Variants in CCDC15 observed in about 807,000 individuals in gnomAD.
CCDC15 encodes the protein coiled-coil domain-containing protein 15.
CCDC15 carries 105 observed loss-of-function variants against 114.5 expected under a neutral mutation model. The observed-to-expected ratio is 0.92, with a 90% CI of 0.78 to 1.08. CCDC15 has a LOEUF of 1.08. Among genes scored for constraint, CCDC15 ranks in the 50% least tolerant of loss-of-function variants. CCDC15 has a pLI of 0.00. For synonymous variants in CCDC15, 334 were observed against 377.8 expected (o/e 0.88, Z 1.34); for missense variants, 1,105 against 1,093.6 (o/e 1.01, Z -0.15).
intron 13 of CCDC15, among the ~76,000 whole-genome samples, chr11:125,033,544 AT>A (rs751774905): frequency 2.6e-5 from 4 of 152,156 alleles, no homozygotes; most frequent in Non-Finnish European, 4.4e-5. Flanking sequence ...TCACAAATCT[AT>A]TTTGGAAAGC....
chr11:125,016,347 C>T, intron 13 of CCDC15, among the ~76,000 whole-genome samples: 1 of 151,916 alleles, frequency 6.6e-6, no homozygotes, highest in East Asian at 1.9e-4. Context: ...TAAAAGCAAC[C>T]TGACAAAAAC....
At chr11:124,964,678 T>C (rs1947738086) in intron 4 of CCDC15, among the ~76,000 whole-genome samples, 1 of 152,176 alleles carries the variant, frequency 6.6e-6, no homozygotes, top group South Asian at 2.1e-4. Context: ...TAACACTGTG[T>C]TGAGTAGGAG....
intron 13 of CCDC15, among the ~76,000 whole-genome samples, chr11:125,035,403 C>G (rs1948768756): frequency 6.6e-6 from 1 of 151,752 alleles, no homozygotes; most frequent in Non-Finnish European, 1.5e-5. Context: ...TACTCCTGCT[C>G]TTTTTTGGTT....
rs79543067 is a variant in CCDC15 at position 125,004,362 on chromosome 11, G to T, written c.2307+403G>T. Among the ~76,000 whole-genome samples the T allele has an allele frequency of 3.3e-3, 496 of 151,618 alleles. 6 individuals carry two copies. The East Asian group carries it at 0.045, about 14-fold the overall frequency. ...TTTTTTCAAAATACAAATATGCCTA[G>T]ATCTAAACCAGATATACCAAATCAG... On this transcript the variant is annotated intron_variant, in intron 12 of 15. Coordinates refer to ENST00000344762, the MANE Select transcript of CCDC15 (RefSeq NM_025004.3).
intron 11 of CCDC15, 62 bp from the exon 12 acceptor site, chr11:125,003,805 A>C (rs1771577353): frequency 1.1e-6 from 1 of 882,580 alleles, no homozygotes. Context: ...AAAATATCAA[A>C]ATTGTTCATG....
At chr11:125,028,661 A>G (rs1342876192) in intron 13 of CCDC15, among the ~76,000 whole-genome samples, 1 of 152,132 alleles carries the variant, frequency 6.6e-6, no homozygotes, top group Non-Finnish European at 1.5e-5. Flanking sequence ...CTGAAACTTT[A>G]CTGAGTTCAT....
chr11:125,007,661 G>A (rs540858856), intron 13 of CCDC15, among the ~76,000 whole-genome samples: 37 of 152,076 alleles, frequency 2.4e-4, no homozygotes, highest in African/African-American at 8.7e-4. Flanking sequence ...TCTCCATACC[G>A]TTTTCCATAA....
chr11:125,001,379 G>A (rs755224623), intron 11 of CCDC15, among the ~76,000 whole-genome samples: 23 of 152,204 alleles, frequency 1.5e-4, no homozygotes, highest in Non-Finnish European at 2.8e-4. Context: ...TGCAAATGTG[G>A]AATATGCAAA....
chr11:124,971,053 G>GA (rs1262305055), intron 4 of CCDC15, among the ~76,000 whole-genome samples: 3 of 152,144 alleles, frequency 2.0e-5, no homozygotes, highest in African/African-American at 7.2e-5. Context: ...TAAGGCTAGG[G>GA]AGGAAGTTGC....
intron 8 of CCDC15, among the ~76,000 whole-genome samples, chr11:124,989,141 A>C (rs1282989910): frequency 1.3e-5 from 2 of 152,234 alleles, no homozygotes; most frequent in African/African-American, 4.8e-5. Flanking sequence ...TGAAAGTCAA[A>C]ATTATTTCTT....
At chr11:124,986,716 CGCGT>C in intron 6 of CCDC15, 22 bp from the exon 7 acceptor site, 1 of 1,524,732 alleles carries the variant, frequency 6.6e-7, no homozygotes, top group Non-Finnish European at 8.8e-7. Context: ...CGCGCGCGTG[CGCGT>C]TTTCATTGTT....
intron 11 of CCDC15, 85 bp downstream of exon 11, chr11:124,993,328 C>CTT: frequency 1.2e-6 from 1 of 858,038 alleles, no homozygotes; most frequent in South Asian, 1.6e-5. Flanking sequence ...GTGTAAATTG[C>CTT]TTTTTTTTTG....
rs571505557 is a variant in CCDC15, at chr11:124,980,915, T to A, written c.753+3315T>A. Among the ~76,000 whole-genome samples, 245 of 152,318 alleles carry A rather than the reference T, an allele frequency of 1.6e-3. 1 individual carries two copies. In the Middle Eastern group the frequency reaches 0.017, roughly 11 times the overall value. The stretch of plus-strand genomic sequence containing the variant: ...GGGTGTTTAAAACTATAAACTTCCC[T>A]CTTAACACTGCTTTGGCTGTGTCCC... On this transcript the variant is annotated intron_variant, in intron 6 of 15. Coordinates refer to ENST00000344762, the MANE Select transcript of CCDC15 (RefSeq NM_025004.3).
intron 4 of CCDC15, among the ~76,000 whole-genome samples, chr11:124,965,165 T>G (rs1947751811): frequency 6.6e-6 from 1 of 152,222 alleles, no homozygotes; most frequent in South Asian, 2.1e-4. Flanking sequence ...TAAAATGAGT[T>G]AGGGAGGATT....
At chr11:124,984,511 G>A (rs1301785356) in intron 6 of CCDC15, among the ~76,000 whole-genome samples, 1 of 152,138 alleles carries the variant, frequency 6.6e-6, no homozygotes, top group African/African-American at 2.4e-5. Context: ...TCCTAGGGGA[G>A]CAAGGTGGGC....
At position 125,003,967 on chromosome 11, in the gene CCDC15, A is replaced by G. The variant is rs1275210455; in HGVS notation, c.2307+8A>G. The G allele has an allele frequency of 2.9e-6, 4 of 1,386,712 alleles. No individual in the cohort carries two copies. Among genetic ancestry groups the G allele is most frequent in the Non-Finnish European group, 2.9e-6 (3 of 1,030,944 alleles). 85.9% of individuals were successfully genotyped at this position (1,386,712 alleles called of 1,614,324 possible). A position where few individuals can be genotyped will look rare whatever the true frequency, so the allele number is the denominator to read the frequency against. On this transcript the variant is annotated splice_region_variant and intron_variant, in intron 12 of 15. Transcript: ENST00000344762. ...GAAGAAGATAAGAAAGAGGTATGTAATGATACTGCTTTTGGATCCCAATAT... is the reference window on the plus strand; with the variant it reads ...GAAGAAGATAAGAAAGAGGTATGTAGTGATACTGCTTTTGGATCCCAATAT...
chr11:124,957,479 T>C (rs2135425589), intron 2 of CCDC15, among the ~76,000 whole-genome samples: 1 of 152,346 alleles, frequency 6.6e-6, no homozygotes, highest in East Asian at 1.9e-4. Flanking sequence ...AATTTTTATA[T>C]GGTGCTGACT....
chr11:125,009,154 G>A (rs1049613003), intron 13 of CCDC15, among the ~76,000 whole-genome samples: 9 of 151,622 alleles, frequency 5.9e-5, no homozygotes, highest in Non-Finnish European at 1.3e-4. Flanking sequence ...TTGAACACGG[G>A]GGGCGGAGGT....
Position 124,991,499 on chromosome 11 carries a change from T to A in CCDC15, c.1947T>A (p.Asp649Glu). The A allele has an allele frequency of 6.2e-7, 1 of 1,602,826 alleles. No homozygotes were observed. Among genetic ancestry groups the A allele is most frequent in the Non-Finnish European group, 8.5e-7 (1 of 1,170,614 alleles). ...HFKEPYSDMT[D>E]EKGREDFSLA... The stretch of plus-strand genomic sequence containing the variant: ...AGGAGCCATACTCTGATATGACAGA[T>A]GAGAAAGGGAGAGAAGACTTTTCTC... The change falls in exon 9 of 16, where the codon GAT (aspartate) becomes GAA (glutamate). Residue 649 changes from aspartate (D) to glutamate (E), a missense_variant. By Grantham distance (45) the Asp-to-Glu change is conservative. Coordinates refer to ENST00000344762, the MANE Select transcript of CCDC15 (RefSeq NM_025004.3).
Sources: allele counts gnomAD v4.1 joint callset (sites outside exome capture counted in the v4.1 genomes callset), GRCh38; gene constraint gnomAD v4.1.1; transcripts MANE v1.5; gene names NCBI Gene and HGNC (gene_info 2026-07-23, HGNC 2026-07-21).